C1orf87: variants seen among roughly 807,000 people sequenced by gnomAD.
C1orf87 encodes the protein chromosome 1 open reading frame 87.
A neutral mutation model predicts 60.5 loss-of-function variants in C1orf87; 58 were observed. The ratio of observed to expected loss-of-function variants is 0.96; its 90% CI spans 0.78 to 1.19. The LOEUF (loss-of-function observed/expected upper bound fraction) is 1.19. Ranked by LOEUF, C1orf87 falls within the 50% of genes most tolerant of loss-of-function variation. C1orf87 has a pLI of 0.00. For missense variants in C1orf87, 673 were observed against 638.6 expected (o/e 1.05, Z -0.58); for synonymous variants, 236 against 227.4 (o/e 1.04, Z -0.34).
chr1:60,033,587 C>T lies in C1orf87; in HGVS notation c.918G>A (p.Glu306=), dbSNP rs780508163. Residue 306 remains glutamate, a synonymous_variant, in exon 7 of 12, where the codon GAG becomes GAA. Coordinates refer to ENST00000371201, the MANE Select transcript of C1orf87 (RefSeq NM_152377.3). ...SQPEVNRSLL[E]ILKMALRTTN... ...TTGTCCTTAGTGCCATCTTCAAAAT[C>T]TCCAACAGACTCCTGTTCACTTCTG... is the stretch of plus-strand genomic sequence containing the variant. The T allele has an allele frequency of 6.2e-7, 1 of 1,613,446 alleles. No individual in the cohort carries two copies. The highest frequency in any genetic ancestry group is 8.5e-7 in the Non-Finnish European group (1 of 1,179,660).
chr1:60,045,054 A>G (rs982743785), intron 3 of C1orf87, among the ~76,000 whole-genome samples: 6 of 152,248 alleles, frequency 3.9e-5, no homozygotes, highest in African/African-American at 1.4e-4. Context: ...GAGTGTGTGT[A>G]GAGTCATCCA....
At chr1:60,019,246 C>T (rs190680872) in intron 8 of C1orf87, among the ~76,000 whole-genome samples, 63 of 152,228 alleles carry the variant, frequency 4.1e-4, no homozygotes, top group African/African-American at 1.5e-3. Flanking sequence ...AAGTGTGGCA[C>T]GTCCCCCTCA....
rs117204180 is a variant in C1orf87, at chr1:60,063,610, C to A, written c.108-8172G>T. ...TGCTCCACAAAAAATGGCTTTCCTGCTCTTTCTTAAGCATACCAAGAGGCT... is the reference window on the plus strand; with the variant it reads ...TGCTCCACAAAAAATGGCTTTCCTGATCTTTCTTAAGCATACCAAGAGGCT... On this transcript the variant is annotated intron_variant, in intron 2 of 11. Coordinates refer to ENST00000371201, the MANE Select transcript of C1orf87 (RefSeq NM_152377.3). 3.3e-4 allele frequency among the ~76,000 whole-genome samples: 50 copies of A among 152,268 alleles called. No individual in the cohort carries two copies. The East Asian group carries it at 8.1e-3, about 25-fold the overall frequency.
chr1:60,068,065 C>G (rs564214692), intron 2 of C1orf87, among the ~76,000 whole-genome samples: 2 of 152,186 alleles, frequency 1.3e-5, no homozygotes, highest in Non-Finnish European at 2.9e-5. Flanking sequence ...GGCCTCTGTT[C>G]TGGTCAATGG....
intron 6 of C1orf87, among the ~76,000 whole-genome samples, chr1:60,035,565 C>A (rs753421160): frequency 1.3e-5 from 2 of 152,174 alleles, no homozygotes; most frequent in African/African-American, 4.8e-5. Flanking sequence ...TAACAAATAG[C>A]CTGGCTTTAT....
intron 9 of C1orf87, among the ~76,000 whole-genome samples, chr1:60,006,657 A>C (rs748058911): frequency 4.6e-5 from 7 of 151,990 alleles, no homozygotes; most frequent in Non-Finnish European, 1.0e-4. Context: ...TTCAAATTTG[A>C]GATCATACTT....
intron 9 of C1orf87, among the ~76,000 whole-genome samples, chr1:60,005,770 C>CGTGT (rs139222813): frequency 1.7e-4 from 24 of 144,012 alleles, no homozygotes; most frequent in East Asian, 1.0e-3. Context: ...GAAGCTGATT[C>CGTGT]GTGTGTGTGT....
chr1:60,002,597 A>C (rs886867924), intron 9 of C1orf87, among the ~76,000 whole-genome samples: 1 of 151,864 alleles, frequency 6.6e-6, no homozygotes, highest in Non-Finnish European at 1.5e-5. Context: ...GTTCACTCTG[A>C]TGGTAGTTTC....
intron 3 of C1orf87, among the ~76,000 whole-genome samples, chr1:60,047,590 C>T (rs1300361849): frequency 6.6e-6 from 1 of 152,068 alleles, no homozygotes; most frequent in Non-Finnish European, 1.5e-5. Flanking sequence ...CTAAATTTTT[C>T]CAATGGACAG....
intron 2 of C1orf87, among the ~76,000 whole-genome samples, chr1:60,059,767 G>A (rs1270236640): frequency 9.9e-5 from 15 of 152,158 alleles, no homozygotes; most frequent in African/African-American, 1.9e-4. Context: ...CCTTGGCAGC[G>A]ACTCAATGCC....
At chr1:60,059,300 T>C (rs1485574019) in intron 2 of C1orf87, among the ~76,000 whole-genome samples, 1 of 152,152 alleles carries the variant, frequency 6.6e-6, no homozygotes, top group Non-Finnish European at 1.5e-5. Context: ...AAAAACGCCA[T>C]CAATACTATC....
intron 11 of C1orf87, among the ~76,000 whole-genome samples, chr1:59,992,409 C>T (rs1644930904): frequency 6.6e-6 from 1 of 151,810 alleles, no homozygotes; most frequent in African/African-American, 2.4e-5. Context: ...GTATGTGCCA[C>T]CACTCTCAGC....
intron 11 of C1orf87, 26 bp downstream of exon 11, chr1:59,997,583 T>C: frequency 6.2e-7 from 1 of 1,610,890 alleles, no homozygotes; most frequent in South Asian, 1.1e-5. Flanking sequence ...TAGAAACCTA[T>C]GCCAGCTTTA....
chr1:60,011,543 T>C (rs987447174), intron 8 of C1orf87, among the ~76,000 whole-genome samples: 4 of 152,114 alleles, frequency 2.6e-5, no homozygotes, highest in African/African-American at 9.7e-5. Context: ...TTCATATCCT[T>C]TGAAAATATT....
chr1:60,061,898 C>T (rs925953771), intron 2 of C1orf87, among the ~76,000 whole-genome samples: 1 of 151,044 alleles, frequency 6.6e-6, no homozygotes, highest in African/African-American at 2.4e-5. Context: ...CTGCAATGAG[C>T]TACAATCCCT....
intron 8 of C1orf87, among the ~76,000 whole-genome samples, chr1:60,020,443 C>A (rs933093266): frequency 1.3e-5 from 2 of 152,192 alleles, no homozygotes; most frequent in African/African-American, 2.4e-5. Flanking sequence ...CCCTGAAGAA[C>A]CACAGGGCCA....
intron 2 of C1orf87, among the ~76,000 whole-genome samples, chr1:60,066,731 G>A (rs188622111): frequency 6.6e-6 from 1 of 151,812 alleles, no homozygotes; most frequent in East Asian, 1.9e-4. Context: ...GAATGTGCAG[G>A]TTTGTTATAT....
At chr1:60,056,815 A>C (rs890769008) in intron 2 of C1orf87, among the ~76,000 whole-genome samples, 1 of 152,222 alleles carries the variant, frequency 6.6e-6, no homozygotes, top group Non-Finnish European at 1.5e-5. Flanking sequence ...CCTTGTACCT[A>C]CATGGCATTC....
At chr1:60,051,340 G>C (rs1645413172) in intron 3 of C1orf87, among the ~76,000 whole-genome samples, 1 of 152,186 alleles carries the variant, frequency 6.6e-6, no homozygotes, top group Non-Finnish European at 1.5e-5. Flanking sequence ...TGTTGTGCTT[G>C]GCCATGTGGT....
Sources: allele counts gnomAD v4.1 joint callset (sites outside exome capture counted in the v4.1 genomes callset), GRCh38; gene constraint gnomAD v4.1.1; transcripts MANE v1.5; gene names NCBI Gene and HGNC (gene_info 2026-07-23, HGNC 2026-07-21).